Variants in SLC39A11 observed in about 807,000 individuals in gnomAD.
SLC39A11 encodes zinc transporter ZIP11.
In SLC39A11, 33 loss-of-function variants were observed where a neutral mutation model predicts 36.1. The observed-to-expected ratio is 0.91, with a 90% CI of 0.69 to 1.22. SLC39A11 has a LOEUF of 1.22. Among genes scored for constraint, SLC39A11 ranks in the 50% most tolerant of loss-of-function variants. SLC39A11 has a pLI of 0.00. For synonymous variants in SLC39A11, 166 were observed against 170.3 expected (o/e 0.97, Z 0.20); for missense variants, 432 against 430.3 (o/e 1.00, Z -0.03).
At chr17:73,047,270 C>T (rs1202206306) in intron 3 of SLC39A11, among the ~76,000 whole-genome samples, 13 of 151,924 alleles carry the variant, frequency 8.6e-5, no homozygotes, top group South Asian at 6.2e-4. Flanking sequence ...GTGATCCGCC[C>T]GCCTCGGCCT....
chr17:72,747,240 T>C (rs113907437), intron 6 of SLC39A11, among the ~76,000 whole-genome samples: 3,930 of 152,246 alleles, frequency 0.026, 81 homozygotes, highest in Non-Finnish European at 0.04. Flanking sequence ...TGGAGTGCAG[T>C]GGTGCAATCT....
rs538358377 is a variant in SLC39A11 at position 72,792,298 on chromosome 17, C to T, written c.602-55579G>A. ...AGAGGGTGAGGTGACCCTTAGTTCC[C>T]GCAGGAGGATGTGGCTGGCTTGTTT... On this transcript the variant is annotated intron_variant, in intron 6 of 9. Coordinates refer to ENST00000255559, the MANE Select transcript of SLC39A11 (RefSeq NM_139177.4). 1.5e-4 allele frequency among the ~76,000 whole-genome samples: 23 copies of T among 152,272 alleles called. No homozygotes were observed. In the South Asian group the frequency reaches 2.9e-3, roughly 19 times the overall value.
chr17:72,835,663 G>A (rs558324564), intron 6 of SLC39A11, among the ~76,000 whole-genome samples: 49 of 152,260 alleles, frequency 3.2e-4, no homozygotes, highest in East Asian at 5.8e-4. Flanking sequence ...GTTCTGCCAC[G>A]TTGCCCAGGC....
chr17:72,916,299 T>G (rs2083328561), intron 5 of SLC39A11, among the ~76,000 whole-genome samples: 1 of 152,110 alleles, frequency 6.6e-6, no homozygotes, highest in African/African-American at 2.4e-5. Flanking sequence ...CTTAAACCAC[T>G]ATTTGATCAC....
chr17:72,738,810 T>C (rs566173927), intron 6 of SLC39A11, among the ~76,000 whole-genome samples: 1 of 152,348 alleles, frequency 6.6e-6, no homozygotes, highest in Non-Finnish European at 1.5e-5. Flanking sequence ...TTTTGATTCA[T>C]TGCCTCTTAG....
chr17:72,982,438 C>A (rs2088396533), intron 4 of SLC39A11, among the ~76,000 whole-genome samples: 1 of 152,072 alleles, frequency 6.6e-6, no homozygotes, highest in Non-Finnish European at 1.5e-5. Context: ...AAGAATCTCC[C>A]CCCAAAAGTA....
chr17:72,898,006 G>C (rs1320970752), intron 5 of SLC39A11, among the ~76,000 whole-genome samples: 1 of 152,144 alleles, frequency 6.6e-6, no homozygotes, highest in South Asian at 2.1e-4. Flanking sequence ...AAAAACCCCA[G>C]TCAGGAAGGA....
intron 4 of SLC39A11, among the ~76,000 whole-genome samples, chr17:73,006,644 G>T (rs900689409): frequency 3.5e-5 from 4 of 113,880 alleles, no homozygotes; most frequent in African/African-American, 9.3e-5. Context: ...TTAGAATTCA[G>T]TTTGTAAACA....
intron 4 of SLC39A11, among the ~76,000 whole-genome samples, chr17:72,981,287 A>C (rs2088280958): frequency 6.6e-6 from 1 of 152,202 alleles, no homozygotes; most frequent in South Asian, 2.1e-4. Context: ...TGGACTAGTC[A>C]CACTTCAAGC....
intron 6 of SLC39A11, among the ~76,000 whole-genome samples, chr17:72,751,994 C>A (rs59919265): frequency 0.015 from 2,341 of 152,238 alleles, 50 homozygotes; most frequent in African/African-American, 0.051. Flanking sequence ...TGCCTCTGTG[C>A]CACTGACTCC....
At chr17:72,715,876 G>T (rs113446849) in intron 7 of SLC39A11, among the ~76,000 whole-genome samples, 14,177 of 151,852 alleles carry the variant, frequency 0.093, 1,304 homozygotes, top group African/African-American at 0.24. Flanking sequence ...TTTGTATTTT[G>T]AGTAGAGACG....
rs527563715 is a variant in SLC39A11 at position 72,971,672 on chromosome 17, C to T, written c.307-23797G>A. ...AGCTCCTGGCTGTCCCAGCTGGGGC[C>T]GGGCCGCCCCCCAGGAGGACTACCA... On this transcript the variant is annotated intron_variant, in intron 4 of 9. Transcript: ENST00000255559. Among the ~76,000 whole-genome samples, 7 of 152,308 alleles carry T rather than the reference C, an allele frequency of 4.6e-5. No individual in the cohort carries two copies. The South Asian group carries it at 1.5e-3, about 32-fold the overall frequency.
intron 6 of SLC39A11, among the ~76,000 whole-genome samples, chr17:72,781,218 G>A (rs887798548): frequency 6.6e-6 from 1 of 152,058 alleles, no homozygotes; most frequent in South Asian, 2.1e-4. Context: ...TCAGGGTCAC[G>A]GTGCCCCATG....
At chr17:72,705,742 G>A (rs1402265192) in intron 7 of SLC39A11, among the ~76,000 whole-genome samples, 2 of 152,210 alleles carry the variant, frequency 1.3e-5, no homozygotes, top group Non-Finnish European at 2.9e-5. Context: ...CAGTCCATGT[G>A]GTTCAGCTGG....
intron 7 of SLC39A11, among the ~76,000 whole-genome samples, chr17:72,685,870 T>C: frequency 6.6e-6 from 1 of 152,052 alleles, no homozygotes; most frequent in East Asian, 1.9e-4. Context: ...ACCCTGTCTC[T>C]ACCAAAAATA....
At chr17:72,759,143 A>G (rs1472915478) in intron 6 of SLC39A11, among the ~76,000 whole-genome samples, 1 of 151,906 alleles carries the variant, frequency 6.6e-6, no homozygotes, top group African/African-American at 2.4e-5. Context: ...TAATCTTGGA[A>G]AACAATTACA....
rs56021607 is a variant in SLC39A11 at position 73,062,475 on chromosome 17, A to AAAAAAC, written c.147+22332_147+22333insGTTTTT. ...AGAGCTTGTCTCAAAAAAAAAAAAA[A>AAAAAAC]AAACTTTAGGTGATACACTTCTGCT... On this transcript the variant is annotated intron_variant, in intron 3 of 9. Transcript: ENST00000255559. Among the ~76,000 whole-genome samples, 258 of 87,040 alleles carry AAAAAAC rather than the reference A, an allele frequency of 3.0e-3. 23 individuals carry two copies. The East Asian group carries it at 0.035, about 12-fold the overall frequency. 57.1% of individuals were successfully genotyped at this position (87,040 alleles called of 152,430 possible).
chr17:72,971,636 C>T (rs959341606), intron 4 of SLC39A11, among the ~76,000 whole-genome samples: 6 of 152,166 alleles, frequency 3.9e-5, no homozygotes, highest in African/African-American at 2.4e-5. Context: ...AACGTGAAGG[C>T]GGGTCTCAGC....
At chr17:72,696,198 G>T (rs2072290687) in intron 7 of SLC39A11, among the ~76,000 whole-genome samples, 1 of 152,088 alleles carries the variant, frequency 6.6e-6, no homozygotes, top group Non-Finnish European at 1.5e-5. Context: ...GGGAAGGCAG[G>T]AGTTGGCATT....
Sources: gnomAD v4.1 joint callset for allele counts (sites outside exome capture counted in the v4.1 genomes callset) on GRCh38, gnomAD v4.1.1 for gene constraint, MANE v1.5 for transcripts, NCBI Gene and HGNC (gene_info 2026-07-23, HGNC 2026-07-21) for gene names.